The following LBR variants were observed in gnomAD, a reference collection of about 807,000 sequenced individuals.
LBR encodes the protein delta(14)-sterol reductase LBR.
A neutral mutation model predicts 74.3 loss-of-function variants in LBR; 28 were observed. The observed-to-expected ratio is 0.38, with a 90% CI of 0.28 to 0.52. The LOEUF (loss-of-function observed/expected upper bound fraction) is 0.52, where lower values mean the gene tolerates loss of function less well. LBR is among the 20% of genes least tolerant of loss of function. The pLI is 0.89. For synonymous variants in LBR, 228 were observed against 269.3 expected, an observed-to-expected ratio of 0.85 and a Z score of 1.50; for missense variants, 717 against 760.3, an observed-to-expected ratio of 0.94 and a Z score of 0.67.
At chr1:225,410,550 AGACATCTCAGCACCATGGGCCCCTG>A (rs2096102781) in intron 9 of LBR, 134 bp from the exon 10 acceptor site, 1 of 863,242 alleles carries the variant, frequency 1.2e-6, no homozygotes, top group African/African-American at 1.7e-5. Flanking sequence ...ACCAGGAATA[AGACATCTCAGCACCATGGGCCCCTG>A]GACCCAATGC....
chr1:225,411,810 TTTTG>T (rs1293358108), intron 8 of LBR, among the ~76,000 whole-genome samples: 1 of 152,226 alleles, frequency 6.6e-6, no homozygotes, highest in Non-Finnish European at 1.5e-5. Flanking sequence ...TTCTCTTGTT[TTTTG>T]TTTGTTTTGT....
chr1:225,421,136 T>C (rs2096126756), intron 3 of LBR, among the ~76,000 whole-genome samples: 1 of 152,226 alleles, frequency 6.6e-6, no homozygotes, highest in Non-Finnish European at 1.5e-5. Flanking sequence ...GTTATCCCAA[T>C]ATTTTAAAAT....
chr1:225,411,312 T>G, intron 9 of LBR, 25 bp downstream of exon 9: 1 of 1,528,276 alleles, frequency 6.5e-7, no homozygotes, highest in Non-Finnish European at 9.1e-7. Flanking sequence ...GAATTGAAAT[T>G]TAGAAGAAAA....
chr1:225,409,271 C>T (rs528984791), intron 10 of LBR, among the ~76,000 whole-genome samples: 28 of 152,300 alleles, frequency 1.8e-4, no homozygotes, highest in South Asian at 1.7e-3. Context: ...CTAATCCCAC[C>T]GCTTGTAATT....
intron 10 of LBR, among the ~76,000 whole-genome samples, chr1:225,408,819 A>G (rs992553088): frequency 1.3e-5 from 2 of 152,250 alleles, no homozygotes; most frequent in Admixed American, 6.5e-5. Flanking sequence ...TTCTTTTAAC[A>G]CAAGTCAATG....
intron 8 of LBR, among the ~76,000 whole-genome samples, chr1:225,411,703 C>G (rs915716875): frequency 1.3e-5 from 2 of 152,218 alleles, no homozygotes; most frequent in East Asian, 3.8e-4. Flanking sequence ...CATGGGGGCC[C>G]CCCCAAAGGA....
At chr1:225,405,139 C>T (rs1163552218) in intron 11 of LBR, among the ~76,000 whole-genome samples, 1 of 152,166 alleles carries the variant, frequency 6.6e-6, no homozygotes, top group African/African-American at 2.4e-5. Context: ...TACCTACTGG[C>T]CATGGCACAA....
chr1:225,403,270 G>C lies in LBR; in HGVS notation c.*33C>G, dbSNP rs749772181. On this transcript the variant is annotated 3_prime_UTR_variant, in exon 14 of 14. Coordinates refer to ENST00000272163, the MANE Select transcript of LBR (RefSeq NM_002296.4). ...GTTTTTGCAAATGGCAGCTGGAATTGCAGGAGTATTTTGTAGAAAAGCCAG... is the reference window on the plus strand; with the variant it reads ...GTTTTTGCAAATGGCAGCTGGAATTCCAGGAGTATTTTGTAGAAAAGCCAG... 3 of 1,603,318 alleles carry C rather than the reference G, an allele frequency of 1.9e-6. No individual in the cohort carries two copies. The highest frequency in any genetic ancestry group is 1.7e-6 in the Non-Finnish European group (2 of 1,170,318).
chr1:225,410,616 T>C (rs894738000), intron 9 of LBR, among the ~76,000 whole-genome samples, 200 bp from the exon 10 acceptor site: 2 of 152,190 alleles, frequency 1.3e-5, no homozygotes, highest in African/African-American at 2.4e-5. Flanking sequence ...CATTTCTGTG[T>C]TCCTGTCACA....
chr1:225,417,545 T>C (rs1261077524), intron 6 of LBR: 1 of 155,608 alleles, frequency 6.4e-6, no homozygotes, highest in Non-Finnish European at 1.4e-5. Flanking sequence ...CTAAAGTCCA[T>C]CGAGCCCAGT....
At chr1:225,407,988 A>G (rs4653635) in intron 10 of LBR, among the ~76,000 whole-genome samples, 112,831 of 152,078 alleles carry the variant, frequency 0.74, 44,166 homozygotes, top group East Asian at 0.96. Context: ...AATCCAATCA[A>G]GGTAATTAGC....
rs192296368 is a variant in LBR, at chr1:225,404,410, G to C, written c.1681C>G (p.Pro561Ala). Residue 561 changes from proline (P) to alanine (A), a missense_variant, in exon 13 of 14, where the codon CCA (proline) becomes GCA (alanine). By Grantham distance (27) the Pro-to-Ala change is conservative. Coordinates refer to ENST00000272163, the MANE Select transcript of LBR (RefSeq NM_002296.4). ...ACTCTTCTGAAATGCTTACCACATG[G>C]GAGGGACCACGCCAAGGCCATGATG... ...DLIMALAWSL[P>A]CGFNHILPYF... 4 of 1,614,048 alleles carry C rather than the reference G, an allele frequency of 2.5e-6. No homozygotes were observed. In the African/African-American group the frequency reaches 4.0e-5, roughly 16 times the overall value.
At chr1:225,405,110 C>CTA (rs1161635124) in intron 11 of LBR, among the ~76,000 whole-genome samples, 1 of 152,162 alleles carries the variant, frequency 6.6e-6, no homozygotes, top group African/African-American at 2.4e-5. Flanking sequence ...AAATTACAAG[C>CTA]TATATCATCT....
chr1:225,413,603 A>G (rs968273507), intron 7 of LBR, among the ~76,000 whole-genome samples: 16 of 152,236 alleles, frequency 1.1e-4, no homozygotes, highest in Non-Finnish European at 1.9e-4. Context: ...ACTCCAAACA[A>G]TAACTTCTAA....
intron 1 of LBR, 140 bp from the exon 2 acceptor site, chr1:225,424,229 C>A: frequency 1.4e-6 from 1 of 739,846 alleles, no homozygotes; most frequent in Non-Finnish European, 2.4e-6. Flanking sequence ...TACATTCAAT[C>A]TCATTTGGAA....
intron 3 of LBR, 57 bp downstream of exon 3, chr1:225,422,020 A>G (rs1195523154): frequency 6.6e-7 from 1 of 1,508,024 alleles, no homozygotes; most frequent in Non-Finnish European, 9.2e-7. Flanking sequence ...AAGTAACTTG[A>G]GTAAATATAT....
At chr1:225,428,064 A>C (rs1166884338), upstream of LBR, 2 of 151,622 alleles carry the variant, frequency 1.3e-5, no homozygotes, top group African/African-American at 2.4e-5. Context: ...CGCGCCCCGC[A>C]GTCCCGCAAG....
At chr1:225,427,595 G>A (rs769557828) in intron 1 of LBR, 2 of 152,328 alleles carry the variant, frequency 1.3e-5, no homozygotes, top group Non-Finnish European at 2.9e-5. Context: ...GGCTGCGGTG[G>A]GGCAGGACAA....
chr1:225,422,061 G>A lies in LBR; in HGVS notation c.366+16C>T, dbSNP rs12410357. The A allele has an allele frequency of 0.12, 187,650 of 1,610,556 alleles. 11,680 individuals carry two copies. Among genetic ancestry groups the A allele is most frequent in the South Asian group, 0.14 (12,330 of 90,996 alleles). The stretch of plus-strand genomic sequence containing the variant: ...AAGCGGAAGACAAAAGGCTGTATAA[G>A]GATAAACACAAGTACCAGAATCAGC... On this transcript the variant is annotated intron_variant, in intron 3 of 13. Transcript: ENST00000272163.
Sources: gnomAD v4.1 joint callset for allele counts (sites outside exome capture counted in the v4.1 genomes callset) on GRCh38, gnomAD v4.1.1 for gene constraint, MANE v1.5 for transcripts, NCBI Gene and HGNC (gene_info 2026-07-23, HGNC 2026-07-21) for gene names.